The following CDH13 variants were observed in gnomAD, a reference collection of about 807,000 sequenced individuals.
CDH13 encodes the protein cadherin-13.
CDH13 carries 24 observed loss-of-function variants against 63.8 expected under a neutral mutation model. That is an observed-to-expected ratio of 0.38 (90% CI 0.27 to 0.53). CDH13 has a LOEUF of 0.53. CDH13 is among the 20% of genes least tolerant of loss of function. CDH13 has a pLI of 0.85. For missense variants in CDH13, 1,049 were observed against 903.1 expected, an observed-to-expected ratio of 1.16 and a Z score of -2.07; for synonymous variants, 503 against 355.3, an observed-to-expected ratio of 1.42 and a Z score of -4.67.
chr16:82,951,504 TG>T (rs1905290983), intron 2 of CDH13, among the ~76,000 whole-genome samples: 1 of 152,194 alleles, frequency 6.6e-6, no homozygotes. Context: ...TTGGGTACGC[TG>T]GCTTCATCTA....
At chr16:82,689,619 G>A (rs1360929114) in intron 1 of CDH13, among the ~76,000 whole-genome samples, 1 of 152,130 alleles carries the variant, frequency 6.6e-6, no homozygotes, top group African/African-American at 2.4e-5. Context: ...AATGGCAAAT[G>A]TGTTTGATGC....
At chr16:82,771,251 A>G (rs1488746295) in intron 1 of CDH13, among the ~76,000 whole-genome samples, 1 of 152,330 alleles carries the variant, frequency 6.6e-6, no homozygotes, top group East Asian at 1.9e-4. Context: ...TACAATGATA[A>G]ATAATACTTT....
At chr16:83,740,601 T>C (rs774685158) in intron 10 of CDH13, among the ~76,000 whole-genome samples, 1 of 152,174 alleles carries the variant, frequency 6.6e-6, no homozygotes, top group Non-Finnish European at 1.5e-5. Context: ...CCAGCTGCCA[T>C]ATGCCAGTCA....
At chr16:82,687,890 G>C (rs1381824568) in intron 1 of CDH13, among the ~76,000 whole-genome samples, 1 of 152,174 alleles carries the variant, frequency 6.6e-6, no homozygotes, top group Non-Finnish European at 1.5e-5. Context: ...GGGATGCTAA[G>C]TAAGGAGCTT....
intron 7 of CDH13, among the ~76,000 whole-genome samples, chr16:83,536,886 AG>A (rs1296821045): frequency 6.6e-6 from 1 of 152,206 alleles, no homozygotes; most frequent in African/African-American, 2.4e-5. Context: ...GGATAACACC[AG>A]CATTTCTTGA....
chr16:83,247,358 C>G (rs910072994), intron 5 of CDH13, among the ~76,000 whole-genome samples: 1 of 152,118 alleles, frequency 6.6e-6, no homozygotes, highest in Admixed American at 6.6e-5. Flanking sequence ...TTGCAAAGAG[C>G]TGGAAATGAG....
At chr16:83,778,626 C>T (rs764869289) in intron 11 of CDH13, among the ~76,000 whole-genome samples, 2 of 151,984 alleles carry the variant, frequency 1.3e-5, no homozygotes, top group Non-Finnish European at 2.9e-5. Flanking sequence ...CAGGAAGTAG[C>T]TGAAATATCA....
chr16:83,558,372 A>T (rs1004548418), intron 7 of CDH13, among the ~76,000 whole-genome samples: 1 of 152,198 alleles, frequency 6.6e-6, no homozygotes, highest in Non-Finnish European at 1.5e-5. Flanking sequence ...CAAAGCTTGA[A>T]GTCAAAAAAA....
intron 6 of CDH13, among the ~76,000 whole-genome samples, chr16:83,409,956 T>G (rs1323383333): frequency 3.3e-5 from 5 of 152,200 alleles, no homozygotes; most frequent in Admixed American, 6.5e-5. Flanking sequence ...CAGAAGATAT[T>G]TTAAAGCCTC....
intron 6 of CDH13, among the ~76,000 whole-genome samples, chr16:83,436,627 T>C (rs937491039): frequency 1.3e-5 from 2 of 152,246 alleles, no homozygotes; most frequent in East Asian, 3.8e-4. Flanking sequence ...TGCTTCCTCT[T>C]TGAAAGAACT....
At chr16:83,424,506 T>G (rs2071826498) in intron 6 of CDH13, among the ~76,000 whole-genome samples, 1 of 152,104 alleles carries the variant, frequency 6.6e-6, no homozygotes, top group Admixed American at 6.5e-5. Flanking sequence ...TCTTGATTAT[T>G]TTTTTTAAGC....
At chr16:83,219,395 A>G (rs952926977) in intron 5 of CDH13, among the ~76,000 whole-genome samples, 1 of 152,178 alleles carries the variant, frequency 6.6e-6, no homozygotes, top group Non-Finnish European at 1.5e-5. Context: ...CATTCAAATC[A>G]TGGCTATCAT....
chr16:83,673,487 T>C (rs1914693691), intron 9 of CDH13, among the ~76,000 whole-genome samples: 1 of 152,106 alleles, frequency 6.6e-6, no homozygotes, highest in South Asian at 2.1e-4. Context: ...CACCCACATG[T>C]TACCCTTAAA....
At chr16:83,334,386 CACACACACAG>C (rs2090547130) in intron 5 of CDH13, among the ~76,000 whole-genome samples, 1 of 138,800 alleles carries the variant, frequency 7.2e-6, no homozygotes, top group Non-Finnish European at 1.6e-5. Context: ...CACACACACA[CACACACACAG>C]AATCTCCCTC....
intron 4 of CDH13, among the ~76,000 whole-genome samples, chr16:83,147,108 C>T (rs1337451980): frequency 6.6e-6 from 1 of 152,136 alleles, no homozygotes; most frequent in African/African-American, 2.4e-5. Flanking sequence ...CCCATGGAGG[C>T]TGCACTCCAA....
chr16:83,503,431 G>C (rs2074329149), intron 7 of CDH13, among the ~76,000 whole-genome samples: 1 of 152,204 alleles, frequency 6.6e-6, no homozygotes, highest in Non-Finnish European at 1.5e-5. Flanking sequence ...ATCTCAGGAT[G>C]CCTCTGCCCA....
At chr16:83,174,630 TTAAAA>T (rs61557061) in intron 4 of CDH13, among the ~76,000 whole-genome samples, 10,169 of 152,082 alleles carry the variant, frequency 0.067, 474 homozygotes, top group Non-Finnish European at 0.089. Context: ...CTTAAGCTAA[TTAAAA>T]TAAAGTTAAA....
chr16:83,126,607 C>A (rs187915627), intron 4 of CDH13, among the ~76,000 whole-genome samples: 213 of 152,170 alleles, frequency 1.4e-3, no homozygotes, highest in African/African-American at 5.0e-3. Flanking sequence ...GTTTATAGAG[C>A]AGGTAGCTTA....
chr16:83,223,322 G>A (rs141612804), intron 5 of CDH13, among the ~76,000 whole-genome samples: 59 of 152,308 alleles, frequency 3.9e-4, no homozygotes, highest in African/African-American at 8.4e-4. Context: ...AAGTGGAAGG[G>A]CCAAAAGACA....
Sources: gnomAD v4.1 joint callset for allele counts (sites outside exome capture counted in the v4.1 genomes callset) on GRCh38, gnomAD v4.1.1 for gene constraint, MANE v1.5 for transcripts, NCBI Gene and HGNC (gene_info 2026-07-23, HGNC 2026-07-21) for gene names.